SCML4: variants seen among roughly 807,000 people sequenced by gnomAD.
SCML4 encodes the protein Scm polycomb group protein like 4, also known as sex comb on midleg-like protein 4.
In SCML4, 34 loss-of-function variants were observed where a neutral mutation model predicts 41.1. The observed-to-expected ratio is 0.83, with a 90% confidence interval of 0.63 to 1.10. The LOEUF (loss-of-function observed/expected upper bound fraction) is 1.10, where lower values mean the gene tolerates loss of function less well. Ranked by LOEUF, SCML4 falls within the 50% of genes least tolerant of loss-of-function variation. SCML4 has a pLI of 0.00. For synonymous variants in SCML4, 214 were observed against 220.9 expected, an observed-to-expected ratio of 0.97 and a Z score of 0.28; for missense variants, 522 against 534.1, an observed-to-expected ratio of 0.98 and a Z score of 0.22.
the SCML4 span, among the ~76,000 whole-genome samples, chr6:107,844,631 C>T: frequency 5.3e-5 from 8 of 151,870 alleles, no homozygotes; most frequent in Non-Finnish European, 1.2e-4. Flanking sequence ...GCCAAGAGTT[C>T]GAGGTCACAG....
intron 1 of SCML4, among the ~76,000 whole-genome samples, chr6:107,813,550 C>G (rs1583659660): frequency 6.6e-6 from 1 of 151,450 alleles, no homozygotes; most frequent in Non-Finnish European, 1.5e-5. Flanking sequence ...TGGAACAAAA[C>G]TTCTCTCTCT....
intron 1 of SCML4, among the ~76,000 whole-genome samples, chr6:107,800,531 A>G (rs1783039696): frequency 1.3e-5 from 2 of 152,176 alleles, no homozygotes; most frequent in Admixed American, 6.5e-5. Context: ...ATTTTTATCT[A>G]CCTATTAGCC....
At chr6:107,726,304 C>T (rs1374069429) in intron 5 of SCML4, among the ~76,000 whole-genome samples, 5 of 151,750 alleles carry the variant, frequency 3.3e-5, no homozygotes, top group Non-Finnish European at 5.9e-5. Flanking sequence ...GAGGCTGAGG[C>T]GGGTGGATCA....
chr6:107,799,391 T>C (rs1782939240), intron 1 of SCML4, among the ~76,000 whole-genome samples: 1 of 152,222 alleles, frequency 6.6e-6, no homozygotes, highest in Non-Finnish European at 1.5e-5. Context: ...CTCTTTCTTA[T>C]GATGAATGTT....
intron 7 of SCML4, among the ~76,000 whole-genome samples, chr6:107,707,603 G>A (rs1387038550): frequency 1.3e-5 from 2 of 152,192 alleles, no homozygotes; most frequent in African/African-American, 2.4e-5. Flanking sequence ...CAGGAAACAG[G>A]CACTCCTGAC....
intron 2 of SCML4, among the ~76,000 whole-genome samples, chr6:107,765,239 A>G (rs1779937452): frequency 6.6e-6 from 1 of 152,182 alleles, no homozygotes; most frequent in Non-Finnish European, 1.5e-5. Context: ...CATCAGTGGC[A>G]ATGGGATCAA....
chr6:107,830,860 G>A, the SCML4 span, among the ~76,000 whole-genome samples: 2 of 152,198 alleles, frequency 1.3e-5, no homozygotes, highest in Admixed American at 6.5e-5. Flanking sequence ...TGTAACAAAT[G>A]AGCTTTAATT....
At chr6:107,728,266 G>A (rs186356796) in intron 5 of SCML4, among the ~76,000 whole-genome samples, 1 of 152,154 alleles carries the variant, frequency 6.6e-6, no homozygotes, top group Non-Finnish European at 1.5e-5. Context: ...TTCCCTTATC[G>A]CAAAGTGTGG....
Position 107,749,207 on chromosome 6 carries a change from G to A in SCML4, c.286+477C>T, listed in dbSNP as rs565526156. Among the ~76,000 whole-genome samples the A allele has an allele frequency of 5.8e-4, 88 of 152,184 alleles. No individual in the cohort carries two copies. In the South Asian group the frequency reaches 0.01, roughly 18 times the overall value. ...TATTATGATGAAACTGTCAGTTGGT[G>A]GATGCCCCACCATAGACAGAGATTG... On this transcript the variant is annotated intron_variant, in intron 3 of 7. Coordinates refer to ENST00000369020, the MANE Select transcript of SCML4 (RefSeq NM_198081.5).
At chr6:107,734,384 C>A (rs1049192464) in intron 5 of SCML4, among the ~76,000 whole-genome samples, 1 of 152,152 alleles carries the variant, frequency 6.6e-6, no homozygotes, top group African/African-American at 2.4e-5. Flanking sequence ...ATTGAAGATA[C>A]CTTGGGCGAT....
At chr6:107,712,439 T>C (rs1338727233) in intron 6 of SCML4, among the ~76,000 whole-genome samples, 1 of 152,126 alleles carries the variant, frequency 6.6e-6, no homozygotes, top group Non-Finnish European at 1.5e-5. Flanking sequence ...GGCTGGTTTG[T>C]CTTTAAGGAG....
Position 107,746,671 on chromosome 6 carries a change from A to G in SCML4, c.487+18T>C. 1 of 1,609,568 alleles carries G rather than the reference A, an allele frequency of 6.2e-7. No individual in the cohort carries two copies. Among genetic ancestry groups the G allele is most frequent in the Non-Finnish European group, 8.5e-7 (1 of 1,176,628 alleles). On this transcript the variant is annotated intron_variant, in intron 4 of 7. Transcript: ENST00000369020. ...GAGACATCCATGGCCTCCTCATGCA[A>G]CCTGCCCCAGGCCTTACCTGACACC...
chr6:107,746,578 C>A, intron 4 of SCML4, 111 bp downstream of exon 4: 2 of 900,122 alleles, frequency 2.2e-6, no homozygotes, highest in Non-Finnish European at 3.5e-6. Flanking sequence ...AGGAGCCCAG[C>A]AGATGAAGGA....
chr6:107,813,273 G>C (rs1466661732), intron 1 of SCML4, among the ~76,000 whole-genome samples: 2 of 150,264 alleles, frequency 1.3e-5, no homozygotes, highest in East Asian at 3.9e-4. Flanking sequence ...TGAGGTGGGA[G>C]GATGGCTTGA....
At chr6:107,781,707 C>G (rs1250121817) in intron 1 of SCML4, among the ~76,000 whole-genome samples, 1 of 151,684 alleles carries the variant, frequency 6.6e-6, no homozygotes, top group Non-Finnish European at 1.5e-5. Flanking sequence ...AAAAGAGGTT[C>G]AACAGAACGT....
Position 107,707,935 on chromosome 6 carries a change from G to A in SCML4, c.1050C>T (p.Asp350=), listed in dbSNP as rs565088899. The A allele has an allele frequency of 1.8e-5, 28 of 1,551,606 alleles. No homozygotes were observed. Among genetic ancestry groups the A allele is most frequent in the South Asian group, 1.7e-4 (14 of 84,062 alleles). Residue 350 remains aspartate, a synonymous_variant, in exon 7 of 8, where the codon GAC becomes GAT. Transcript: ENST00000369020. ...SRNPSAWTVE[D]VVWFVKDADP... is the part of the protein sequence containing the mutation. ...CGGCGTCCTTCACAAACCACACCACGTCCTCCACAGTCCAGGCGGAGGGGT... is the reference window on the plus strand; with the variant it reads ...CGGCGTCCTTCACAAACCACACCACATCCTCCACAGTCCAGGCGGAGGGGT...
intron 5 of SCML4, 46 bp from the exon 6 acceptor site, chr6:107,721,039 C>A: frequency 6.5e-7 from 1 of 1,541,786 alleles, no homozygotes; most frequent in South Asian, 1.3e-5. Context: ...GAGAGCAGTT[C>A]AGGAAGCTAT....
chr6:107,749,840 T>A, intron 2 of SCML4, 27 bp from the exon 3 acceptor site: 7 of 1,613,328 alleles, frequency 4.3e-6, no homozygotes, highest in Non-Finnish European at 5.9e-6. Flanking sequence ...ATTTGGTCAA[T>A]GAGAATCTGG....
At chr6:107,788,081 G>A (rs1782035327) in intron 1 of SCML4, among the ~76,000 whole-genome samples, 2 of 152,190 alleles carry the variant, frequency 1.3e-5, no homozygotes, top group Non-Finnish European at 2.9e-5. Context: ...GCAGGTCAAG[G>A]AAAGATGCAT....
Sources: allele counts gnomAD v4.1 joint callset (sites outside exome capture counted in the v4.1 genomes callset), GRCh38; gene constraint gnomAD v4.1.1; transcripts MANE v1.5; gene names NCBI Gene and HGNC (gene_info 2026-07-23, HGNC 2026-07-21).